The following HSD17B3 variants were observed in gnomAD, a reference collection of about 807,000 sequenced individuals.
The protein encoded by HSD17B3 is 17-beta-hydroxysteroid dehydrogenase type 3.
HSD17B3 carries 29 observed loss-of-function variants against 41.1 expected under a neutral mutation model. The observed-to-expected ratio is 0.71, with a 90% CI of 0.53 to 0.96. The LOEUF is 0.96. HSD17B3 is among the 40% of genes least tolerant of loss of function. The probability of loss-of-function intolerance (pLI) is 0.00; values close to 1 mark genes in which losing one functional copy is unlikely to be tolerated. For missense variants in HSD17B3, 323 were observed against 374.6 expected (o/e 0.86, Z 1.14); for synonymous variants, 126 against 145.6 (o/e 0.87, Z 0.97).
chr9:96,267,303 C>T (rs1444564115), intron 2 of HSD17B3, among the ~76,000 whole-genome samples: 1 of 152,030 alleles, frequency 6.6e-6, no homozygotes, highest in African/African-American at 2.4e-5. Context: ...ATTACAGACA[C>T]ATGCCACCAC....
chr9:96,298,347 G>T, intron 2 of HSD17B3, 69 bp downstream of exon 2: 1 of 1,181,134 alleles, frequency 8.5e-7, no homozygotes, highest in Non-Finnish European at 1.3e-6. Flanking sequence ...ATCTAGTGTT[G>T]GGGTGGATGT....
chr9:96,272,236 G>T (rs1362172569), intron 2 of HSD17B3, among the ~76,000 whole-genome samples: 1 of 150,308 alleles, frequency 6.7e-6, no homozygotes, highest in African/African-American at 2.5e-5. Flanking sequence ...AGGTGTGGTG[G>T]TACGGACCTG....
intron 6 of HSD17B3, among the ~76,000 whole-genome samples, chr9:96,248,468 G>A (rs1056359139): frequency 3.3e-5 from 5 of 152,196 alleles, no homozygotes; most frequent in African/African-American, 1.2e-4. Flanking sequence ...AGATGGGTGA[G>A]ACTGAGCCTT....
chr9:96,269,300 A>G (rs1437652529), intron 2 of HSD17B3, among the ~76,000 whole-genome samples: 1 of 152,192 alleles, frequency 6.6e-6, no homozygotes, highest in Non-Finnish European at 1.5e-5. Context: ...TGACCAAAGC[A>G]TTTTGTGCCA....
rs1564048630 is a variant in HSD17B3, at chr9:96,272,443, AT to A, written c.202-17501del. The stretch of plus-strand genomic sequence containing the variant: ...TATATATATATATATATATATATAT[AT>A]ATAAAATATATATGAATATAATATA... On this transcript the variant is annotated intron_variant, in intron 2 of 10. Coordinates refer to ENST00000375263, the MANE Select transcript of HSD17B3 (RefSeq NM_000197.2). 3.2e-3 allele frequency among the ~76,000 whole-genome samples: 316 copies of A among 98,320 alleles called. 3 individuals are homozygous for A. Among genetic ancestry groups the A allele is most frequent in the Middle Eastern group, 4.8e-3 (1 of 208 alleles). 64.5% of individuals were successfully genotyped at this position (98,320 alleles called of 152,430 possible).
At chr9:96,273,258 C>T (rs1041148308) in intron 2 of HSD17B3, among the ~76,000 whole-genome samples, 1 of 152,102 alleles carries the variant, frequency 6.6e-6, no homozygotes, top group African/African-American at 2.4e-5. Context: ...AGTCCACACA[C>T]CCCCATAATT....
chr9:96,273,155 T>C lies in HSD17B3; in HGVS notation c.202-18212A>G, dbSNP rs541898972. On this transcript the variant is annotated intron_variant, in intron 2 of 10. Transcript: ENST00000375263. ...GACTATATCAATGCCCAGAACCTGA[T>C]TGTAATATTGTACTATAGCTTTGCA... Among the ~76,000 whole-genome samples, 7 of 152,264 alleles carry C rather than the reference T, an allele frequency of 4.6e-5. No homozygotes were observed. In the South Asian group the frequency reaches 1.2e-3, roughly 27 times the overall value.
chr9:96,293,673 G>C (rs527665386), intron 2 of HSD17B3, among the ~76,000 whole-genome samples: 1 of 151,664 alleles, frequency 6.6e-6, no homozygotes, highest in African/African-American at 2.4e-5. Context: ...GTGTGTGTGT[G>C]TGTGTGACAC....
chr9:96,266,170 C>T (rs1268381467), intron 2 of HSD17B3, among the ~76,000 whole-genome samples: 13 of 152,234 alleles, frequency 8.5e-5, no homozygotes, highest in East Asian at 1.9e-4. Context: ...AATTTTGCTG[C>T]CTATTGAAAT....
intron 10 of HSD17B3, among the ~76,000 whole-genome samples, chr9:96,240,409 G>A (rs1446653917): frequency 6.6e-6 from 1 of 152,098 alleles, no homozygotes. Flanking sequence ...TTGCCTGGAG[G>A]GCTGATAGCT....
intron 2 of HSD17B3, among the ~76,000 whole-genome samples, chr9:96,280,721 T>C (rs1481273812): frequency 1.3e-5 from 2 of 152,176 alleles, no homozygotes; most frequent in Non-Finnish European, 2.9e-5. Context: ...TGAGGCATTC[T>C]ATGTCACAGG....
intron 2 of HSD17B3, among the ~76,000 whole-genome samples, chr9:96,272,121 C>A (rs894372549): frequency 1.3e-5 from 2 of 151,614 alleles, no homozygotes; most frequent in African/African-American, 4.9e-5. Flanking sequence ...GTATTCCCAG[C>A]ACTTTGGGAG....
chr9:96,244,195 A>G (rs1370866549), intron 9 of HSD17B3, 134 bp downstream of exon 9: 17 of 889,914 alleles, frequency 1.9e-5, no homozygotes, highest in Non-Finnish European at 2.9e-5. Flanking sequence ...CTTCCTGTTG[A>G]CCACACATGA....
At chr9:96,279,817 T>C (rs997422326) in intron 2 of HSD17B3, among the ~76,000 whole-genome samples, 24 of 152,032 alleles carry the variant, frequency 1.6e-4, no homozygotes, top group Admixed American at 1.3e-4. Context: ...TCACCCAGGC[T>C]GGAGTGCAGT....
At chr9:96,299,367 C>A (rs1185233273) in intron 1 of HSD17B3, among the ~76,000 whole-genome samples, 1 of 152,160 alleles carries the variant, frequency 6.6e-6, no homozygotes, top group Non-Finnish European at 1.5e-5. Flanking sequence ...CGTTTAGGAA[C>A]TTCTAAGAGG....
chr9:96,240,722 TC>T (rs1836405752), intron 10 of HSD17B3, 35 bp downstream of exon 10: 1 of 1,612,616 alleles, frequency 6.2e-7, no homozygotes, highest in Non-Finnish European at 8.5e-7. Context: ...GTGTCCTCCC[TC>T]CCTGGCTTCA....
In HSD17B3 at chr9:96,288,864, G is replaced by A. The variant is rs185034419; in HGVS notation, c.201+9552C>T. 3.9e-3 allele frequency among the ~76,000 whole-genome samples: 586 copies of A among 151,988 alleles called. 1 individual carries two copies. Among genetic ancestry groups the A allele is most frequent in the Non-Finnish European group, 6.1e-3 (413 of 67,948 alleles). ...AGGCAGGAGAATGGCGTGAACCCGG[G>A]AGGCGGAGCTCGCAATGAGCCGAAA... is the stretch of plus-strand genomic sequence containing the variant. On this transcript the variant is annotated intron_variant, in intron 2 of 10. Coordinates refer to ENST00000375263, the MANE Select transcript of HSD17B3 (RefSeq NM_000197.2).
chr9:96,298,425 G>A lies in HSD17B3; in HGVS notation c.192C>T (p.Tyr64=), dbSNP rs1302322240. The A allele has an allele frequency of 3.1e-6, 5 of 1,613,544 alleles. No individual in the cohort carries two copies. Among genetic ancestry groups the A allele is most frequent in the Admixed American group, 3.3e-5 (2 of 60,018 alleles). The change falls in exon 2 of 11, where the codon TAC becomes TAT. Residue 64 remains tyrosine (Y), a synonymous_variant. Coordinates refer to ENST00000375263, the MANE Select transcript of HSD17B3 (RefSeq NM_000197.2). ...CAGGAAGATAGCTTACCTCGAACGAGTACGCTTTCCCAATTCCATCGCCTG... is the reference window on the plus strand; with the variant it reads ...CAGGAAGATAGCTTACCTCGAACGAATACGCTTTCCCAATTCCATCGCCTG... The part of the protein sequence containing the change: ...TGAGDGIGKA[Y]SFELAKRGLN...
chr9:96,271,092 C>T (rs1486267035), intron 2 of HSD17B3, among the ~76,000 whole-genome samples: 2 of 151,438 alleles, frequency 1.3e-5, no homozygotes, highest in Non-Finnish European at 2.9e-5. Flanking sequence ...AATGTATGCT[C>T]AAAGAGGCAA....
Sources: allele counts gnomAD v4.1 joint callset (sites outside exome capture counted in the v4.1 genomes callset), GRCh38; gene constraint gnomAD v4.1.1; transcripts MANE v1.5; gene names NCBI Gene and HGNC (gene_info 2026-07-23, HGNC 2026-07-21).